The following EED variants were observed in gnomAD, a reference collection of about 807,000 sequenced individuals.
EED encodes embryonic ectoderm development, also known as polycomb protein EED.
In EED, 9 loss-of-function variants were observed where a neutral mutation model predicts 61.0. That is an observed-to-expected ratio of 0.15 (90% CI 0.09 to 0.26). The LOEUF (loss-of-function observed/expected upper bound fraction) is 0.26, where lower values mean the gene tolerates loss of function less well. EED is among the 10% of genes least tolerant of loss of function. The pLI is 1.00. For missense variants in EED, 315 were observed against 542.3 expected (o/e 0.58, Z 4.16); for synonymous variants, 187 against 174.4 (o/e 1.07, Z -0.57).
At chr11:86,256,011 G>A (rs752440577) in intron 4 of EED, among the ~76,000 whole-genome samples, 1 of 152,180 alleles carries the variant, frequency 6.6e-6, no homozygotes. Flanking sequence ...GATATTTATA[G>A]AGGTATGGGG....
At chr11:86,263,234 A>G (rs1945882936) in intron 6 of EED, among the ~76,000 whole-genome samples, 1 of 152,174 alleles carries the variant, frequency 6.6e-6, no homozygotes, top group Non-Finnish European at 1.5e-5. Flanking sequence ...CAACCACTTA[A>G]GTAATCCTTA....
rs1945671944 is a variant in EED at position 86,256,304 on chromosome 11, C to T, written c.427-83C>T. On this transcript the variant is annotated intron_variant, in intron 4 of 11. Coordinates refer to ENST00000263360, the MANE Select transcript of EED (RefSeq NM_003797.5). ...AGAACTTTGGTGTCAAAAACTTTAG[C>T]AGTTCTTTATAAGTTTCTATTATAA... 1.4e-5 allele frequency: 19 copies of T among 1,313,882 alleles called. No homozygotes were observed. In the South Asian group the frequency reaches 2.8e-4, roughly 20 times the overall value. The allele number at this position is 1,313,882 out of a possible 1,614,324, so 81.4% of individuals were successfully genotyped here.
At chr11:86,251,535 A>G (rs1565689276) in intron 2 of EED, among the ~76,000 whole-genome samples, 1 of 152,228 alleles carries the variant, frequency 6.6e-6, no homozygotes, top group African/African-American at 2.4e-5. Flanking sequence ...AAAATCCTAA[A>G]GCTGAAAAAT....
At position 86,245,269 on chromosome 11, in the gene EED, G is replaced by C. The variant is rs1294600154; in HGVS notation, c.40G>C (p.Asp14His). ...AGTGTCGACTGCGCCGGCGGGAACA[G>C]ACATGCCTGCGGCCAAGAAGCAGAA... ...REVSTAPAGT[D>H]MPAAKKQKLS... Residue 14 changes from aspartate (D) to histidine (H), a missense_variant, in exon 1 of 12, where the codon GAC becomes CAC. This residue lies in a region of EED where 110 missense variants were observed against 86.9 expected (regional missense o/e 1.27). Coordinates refer to ENST00000263360, the MANE Select transcript of EED (RefSeq NM_003797.5). The C allele has an allele frequency of 6.2e-7, 1 of 1,613,610 alleles. No homozygotes were observed. Among genetic ancestry groups the C allele is most frequent in the African/African-American group, 1.3e-5 (1 of 75,010 alleles).
At chr11:86,256,326 A>G (rs1945673038) in intron 4 of EED, 61 bp from the exon 5 acceptor site, 3 of 1,424,008 alleles carry the variant, frequency 2.1e-6, no homozygotes, top group Middle Eastern at 2.2e-4. Flanking sequence ...AGTTTCTATT[A>G]TAATTATTGA....
At chr11:86,260,737 T>G (rs554822528) in intron 6 of EED, among the ~76,000 whole-genome samples, 1 of 152,222 alleles carries the variant, frequency 6.6e-6, no homozygotes, top group Non-Finnish European at 1.5e-5. Context: ...AAATTGCTTA[T>G]GTCAAATCTG....
chr11:86,263,983 A>T, intron 6 of EED, 189 bp from the exon 7 acceptor site: 1 of 547,140 alleles, frequency 1.8e-6, no homozygotes, highest in African/African-American at 1.9e-5. Context: ...GCCTATTCAA[A>T]CTATAGCACT....
chr11:86,282,739 A>G (rs1242098125), downstream of EED, among the ~76,000 whole-genome samples: 1 of 152,190 alleles, frequency 6.6e-6, no homozygotes, highest in Non-Finnish European at 1.5e-5. Flanking sequence ...AGGCCTTGCC[A>G]TACAGTCTCG....
chr11:86,248,482 GAA>G (rs1945444585), intron 1 of EED, among the ~76,000 whole-genome samples: 1 of 152,134 alleles, frequency 6.6e-6, no homozygotes, highest in Admixed American at 6.5e-5. Context: ...TAATTTTACA[GAA>G]AAAATGGCAA....
downstream of EED, among the ~76,000 whole-genome samples, chr11:86,279,016 G>C (rs150213224): frequency 1.3e-5 from 2 of 152,132 alleles, no homozygotes; most frequent in Non-Finnish European, 1.5e-5. Context: ...CAAATGATTC[G>C]TTATGTGTGA....
chr11:86,269,257 T>C (rs1032238574), intron 9 of EED, among the ~76,000 whole-genome samples: 1 of 152,186 alleles, frequency 6.6e-6, no homozygotes, highest in Admixed American at 6.5e-5. Flanking sequence ...AAATTGCAGC[T>C]GTTTTGTACC....
At chr11:86,255,314 T>C in intron 4 of EED, 27 bp downstream of exon 4, 1 of 1,564,374 alleles carries the variant, frequency 6.4e-7, no homozygotes, top group Non-Finnish European at 8.7e-7. Context: ...TTTTAATATC[T>C]TTAGTCAAAG....
intron 1 of EED, among the ~76,000 whole-genome samples, chr11:86,248,607 T>C (rs1166333609): frequency 1.3e-5 from 2 of 152,166 alleles, no homozygotes; most frequent in African/African-American, 4.8e-5. Flanking sequence ...AGTAAAGGAA[T>C]GGAGAGATGA....
Position 86,252,123 on chromosome 11 carries a change from T to G in EED, c.268-25T>G. ...CTGGTTTGTAAGATACATTAATCTT[T>G]TCTTATTTCATGATTATTTTATAGG... On this transcript the variant is annotated intron_variant, in intron 2 of 11. Coordinates refer to ENST00000263360, the MANE Select transcript of EED (RefSeq NM_003797.5). 5.0e-6 allele frequency: 8 copies of G among 1,587,810 alleles called. No homozygotes were observed. In the South Asian group the frequency reaches 7.8e-5, roughly 15 times the overall value.
intron 9 of EED, 176 bp from the exon 10 acceptor site, chr11:86,276,804 C>A: frequency 2.4e-6 from 1 of 420,950 alleles, no homozygotes; most frequent in African/African-American, 2.0e-5. Flanking sequence ...ATTTCTTGTC[C>A]TTAAGTATGG....
chr11:86,267,526 C>G (rs879359815), intron 8 of EED, among the ~76,000 whole-genome samples: 15 of 152,162 alleles, frequency 9.9e-5, no homozygotes, highest in African/African-American at 2.9e-4. Context: ...ACAAATATCT[C>G]TAATGAAAAC....
At chr11:86,284,673 C>A in the EED span, 32 of 152,382 alleles carry the variant, frequency 2.1e-4, no homozygotes, top group African/African-American at 7.2e-4. Flanking sequence ...CTGGAGCCCC[C>A]TGTACTTCAT....
intron 1 of EED, among the ~76,000 whole-genome samples, chr11:86,247,813 G>A (rs1482918987): frequency 1.3e-5 from 2 of 152,196 alleles, no homozygotes; most frequent in African/African-American, 2.4e-5. Flanking sequence ...GGGTGTGGGG[G>A]AATATGTTTT....
chr11:86,266,174 C>T lies in EED; in HGVS notation c.818C>T (p.Ala273Val). 6.2e-7 allele frequency: 1 copy of T among 1,602,386 alleles called. No individual in the cohort carries two copies. The highest frequency in any genetic ancestry group is 1.1e-5 in the South Asian group (1 of 89,866). The part of the protein sequence containing the change: ...WRINSKRMMN[A>V]IKESYDYNPN... ...ATCAATTCAAAGAGAATGATGAATG[C>T]AATTAAGGAATCTTATGATTATAAT... The change falls in exon 8 of 12, where the codon GCA (alanine) becomes GTA (valine). Residue 273 changes from alanine (A) to valine (V), a missense_variant. Physicochemically the swap from Ala to Val is moderately conservative, Grantham distance 64. This residue lies in a region of EED where 205 missense variants were observed against 455.4 expected (regional missense o/e 0.45). Coordinates refer to ENST00000263360, the MANE Select transcript of EED (RefSeq NM_003797.5).
Sources: gnomAD v4.1 joint callset for allele counts (sites outside exome capture counted in the v4.1 genomes callset) on GRCh38, gnomAD v4.1.1 for gene constraint, gnomAD v4.1.1 regional missense constraint, MANE v1.5 for transcripts, NCBI Gene and HGNC (gene_info 2026-07-23, HGNC 2026-07-21) for gene names.